The following UBXN2A variants were observed in gnomAD, a reference collection of about 807,000 sequenced individuals.
The protein encoded by UBXN2A is UBX domain protein 2A.
A neutral mutation model predicts 28.4 loss-of-function variants in UBXN2A; 28 were observed. The ratio of observed to expected loss-of-function variants is 0.99; its 90% CI spans 0.73 to 1.35. The LOEUF (loss-of-function observed/expected upper bound fraction) is 1.35, where lower values mean the gene tolerates loss of function less well. Ranked by LOEUF, UBXN2A falls within the 40% of genes most tolerant of loss-of-function variation. The pLI, the probability that UBXN2A is intolerant of heterozygous loss-of-function variation, is 0.00. For missense variants in UBXN2A, 253 were observed against 297.9 expected (o/e 0.85, Z 1.11); for synonymous variants, 97 against 103.6 (o/e 0.94, Z 0.39).
At chr2:23,976,703 A>G (rs745881981) in intron 3 of UBXN2A, among the ~76,000 whole-genome samples, 10 of 152,142 alleles carry the variant, frequency 6.6e-5, no homozygotes, top group African/African-American at 2.2e-4. Context: ...GGGAGATACA[A>G]TTCAACTTGA....
intron 1 of UBXN2A, among the ~76,000 whole-genome samples, chr2:23,929,154 ACT>A (rs1160646343): frequency 3.9e-5 from 6 of 151,962 alleles, no homozygotes; most frequent in African/African-American, 1.5e-4. Context: ...ACAGGGTCTC[ACT>A]CTGTCACCCA....
chr2:23,943,275 C>T (rs531922249), intron 1 of UBXN2A, among the ~76,000 whole-genome samples: 5 of 151,852 alleles, frequency 3.3e-5, no homozygotes, highest in African/African-American at 9.7e-5. Context: ...TTCAAAAAGT[C>T]GTCCTGACTG....
intron 1 of UBXN2A, among the ~76,000 whole-genome samples, chr2:23,950,363 A>G (rs2150816148): frequency 6.6e-6 from 1 of 152,208 alleles, no homozygotes; most frequent in East Asian, 1.9e-4. Flanking sequence ...TGAAGACCAG[A>G]TCTAAACTAT....
Position 24,000,039 on chromosome 2 carries a change from A to G in UBXN2A, c.*172A>G. On this transcript the variant is annotated 3_prime_UTR_variant, in exon 7 of 7. Transcript: ENST00000309033. ...TAAGTACAAGTTAAGAAAGTAGCAT[A>G]TGACTGGAAACTATATTCAGTGCAC... 1 of 617,786 alleles carries G rather than the reference A, an allele frequency of 1.6e-6. No individual in the cohort carries two copies. Among genetic ancestry groups the G allele is most frequent in the Non-Finnish European group, 2.7e-6 (1 of 364,416 alleles). 38.3% of individuals were successfully genotyped at this position (617,786 alleles called of 1,614,324 possible). A position where few individuals can be genotyped will look rare whatever the true frequency, so the allele number is the denominator to read the frequency against.
At chr2:23,950,414 C>A (rs1251862520) in intron 1 of UBXN2A, among the ~76,000 whole-genome samples, 1 of 151,826 alleles carries the variant, frequency 6.6e-6, no homozygotes, top group African/African-American at 2.4e-5. Flanking sequence ...ATTATTATTA[C>A]TGTTTTTGAG....
chr2:23,961,275 T>C (rs1014807085), intron 2 of UBXN2A, among the ~76,000 whole-genome samples: 1 of 151,540 alleles, frequency 6.6e-6, no homozygotes, highest in Non-Finnish European at 1.5e-5. Context: ...TTTGTATTTT[T>C]AGTAGAGATG....
chr2:23,943,848 G>T, intron 1 of UBXN2A: 1 of 368,970 alleles, frequency 2.7e-6, no homozygotes, highest in Non-Finnish European at 5.3e-6. Context: ...AACCCAAGAT[G>T]GCTGCACTCT....
chr2:23,940,434 G>C (rs1295417161), upstream of UBXN2A: 1 of 145,404 alleles, frequency 6.9e-6, no homozygotes, highest in South Asian at 2.2e-4. Flanking sequence ...CGCGCTCCTC[G>C]GGTCTGCGCG....
chr2:23,999,160 AC>A (rs1216716649), intron 6 of UBXN2A, among the ~76,000 whole-genome samples: 1 of 152,132 alleles, frequency 6.6e-6, no homozygotes, highest in East Asian at 1.9e-4. Context: ...ACATTTTTTC[AC>A]ATTTTAGCAT....
At chr2:23,987,039 G>A (rs775483496) in intron 6 of UBXN2A, among the ~76,000 whole-genome samples, 1 of 151,944 alleles carries the variant, frequency 6.6e-6, no homozygotes, top group Non-Finnish European at 1.5e-5. Flanking sequence ...GCTGTGATGA[G>A]CCATGATCTC....
chr2:23,929,413 T>TAA (rs79621828), intron 1 of UBXN2A, among the ~76,000 whole-genome samples: 2 of 132,338 alleles, frequency 1.5e-5, no homozygotes. Flanking sequence ...AAAAAATATT[T>TAA]AAAAAAAAAA....
chr2:23,936,709 G>A (rs1383066061), upstream of UBXN2A, among the ~76,000 whole-genome samples: 1 of 152,086 alleles, frequency 6.6e-6, no homozygotes, highest in Non-Finnish European at 1.5e-5. Flanking sequence ...AGACAAAGAA[G>A]CCCACTCTCA....
chr2:23,975,099 G>A (rs530436026), intron 3 of UBXN2A, among the ~76,000 whole-genome samples: 2 of 152,200 alleles, frequency 1.3e-5, no homozygotes, highest in South Asian at 4.1e-4. Context: ...ATAATTAAAT[G>A]TGTCAGCAGT....
chr2:23,986,265 G>A (rs1175639614), intron 6 of UBXN2A, among the ~76,000 whole-genome samples: 4 of 151,974 alleles, frequency 2.6e-5, no homozygotes, highest in African/African-American at 9.7e-5. Context: ...AGCCGAGATT[G>A]CGCCACTGCA....
In UBXN2A at chr2:24,002,459, A is replaced by G. The variant is rs1308884455; in HGVS notation, c.*2592A>G. 1 of 151,706 alleles carries G rather than the reference A, an allele frequency of 6.6e-6. No homozygotes were observed. The highest frequency in any genetic ancestry group is 1.5e-5 in the Non-Finnish European group (1 of 68,026). 9.4% of individuals were successfully genotyped at this position (151,706 alleles called of 1,614,324 possible). A position where few individuals can be genotyped will look rare whatever the true frequency, so the allele number is the denominator to read the frequency against. On this transcript the variant is annotated 3_prime_UTR_variant, in exon 7 of 7. Transcript: ENST00000309033. ...AGAGTTTTGCTCTTTCCCCCAGACT[A>G]GAGTGCAATGGCGCGATCTTGGCTC... is the stretch of plus-strand genomic sequence containing the variant.
At chr2:23,962,818 C>A (rs1308869034) in intron 2 of UBXN2A, among the ~76,000 whole-genome samples, 1 of 152,028 alleles carries the variant, frequency 6.6e-6, no homozygotes, top group African/African-American at 2.4e-5. Context: ...GTTGGTCAGG[C>A]AGGCTGGTCT....
intron 2 of UBXN2A, among the ~76,000 whole-genome samples, chr2:23,962,748 G>A (rs1706988754): frequency 6.6e-6 from 1 of 151,882 alleles, no homozygotes; most frequent in African/African-American, 2.4e-5. Context: ...TGGAATTACA[G>A]GCATGTGCAA....
At chr2:23,938,095 T>C (rs1013214145), upstream of UBXN2A, among the ~76,000 whole-genome samples, 1 of 152,210 alleles carries the variant, frequency 6.6e-6, no homozygotes, top group Non-Finnish European at 1.5e-5. Context: ...CGCACGACTA[T>C]AAATGCAAAA....
intron 6 of UBXN2A, among the ~76,000 whole-genome samples, chr2:23,990,952 A>T (rs903998605): frequency 1.3e-5 from 2 of 152,088 alleles, no homozygotes; most frequent in African/African-American, 4.8e-5. Flanking sequence ...CCTACCCACC[A>T]GCTTGGATAT....
Sources: allele counts gnomAD v4.1 joint callset (sites outside exome capture counted in the v4.1 genomes callset), GRCh38; gene constraint gnomAD v4.1.1; transcripts MANE v1.5; gene names NCBI Gene and HGNC (gene_info 2026-07-23, HGNC 2026-07-21).